Variants in NSD2 observed in about 807,000 individuals in gnomAD.
NSD2 encodes the protein histone-lysine N-methyltransferase NSD2.
A neutral mutation model predicts 139.0 loss-of-function variants in NSD2; 12 were observed. That is an observed-to-expected ratio of 0.09 (90% CI 0.06 to 0.14). NSD2 has a LOEUF of 0.14. Ranked by LOEUF, NSD2 falls within the 10% of genes least tolerant of loss-of-function variation. The pLI, the probability that NSD2 is intolerant of heterozygous loss-of-function variation, is 1.00. For synonymous variants in NSD2, 669 were observed against 648.7 expected, an observed-to-expected ratio of 1.03 and a Z score of -0.48; for missense variants, 1,155 against 1,745.0, an observed-to-expected ratio of 0.66 and a Z score of 6.02.
In NSD2 at chr4:1,938,416, CTTTTTTTTTTTTTTTTT is replaced by C; in HGVS notation, c.1675-26_1675-10del. 2 of 320,276 alleles carry C rather than the reference CTTTTTTTTTTTTTTTTT, an allele frequency of 6.2e-6. No individual in the cohort carries two copies. The highest frequency in any genetic ancestry group is 9.2e-6 in the Non-Finnish European group (2 of 218,448). 19.8% of individuals were successfully genotyped at this position (320,276 alleles called of 1,614,324 possible). A position where few individuals can be genotyped will look rare whatever the true frequency, so the allele number is the denominator to read the frequency against. The stretch of plus-strand genomic sequence containing the variant: ...TTTTTCTTTTCTTTTTTTTTTCTTT[CTTTTTTTTTTTTTTTTT>C]TTTTTTTTAAATAATAGAGAGACAC... On this transcript the variant is annotated intron_variant, in intron 7 of 21. Coordinates refer to ENST00000508803, the MANE Select transcript of NSD2 (RefSeq NM_001042424.3).
At chr4:1,970,781 G>A (rs1726380909) in intron 18 of NSD2, among the ~76,000 whole-genome samples, 1 of 152,142 alleles carries the variant, frequency 6.6e-6, no homozygotes. Flanking sequence ...GTAATGTCCG[G>A]GACATTACAT....
intron 9 of NSD2, chr4:1,940,494 C>G: frequency 1.9e-6 from 2 of 1,064,214 alleles, no homozygotes; most frequent in Non-Finnish European, 1.1e-6. Context: ...AGCCACAGAA[C>G]GTAGGTGTGA....
intron 1 of NSD2, among the ~76,000 whole-genome samples, chr4:1,891,069 T>C (rs993449970): frequency 6.6e-6 from 1 of 152,152 alleles, no homozygotes; most frequent in Non-Finnish European, 1.5e-5. Context: ...AAGTTTTGTA[T>C]GTTTTGTAGA....
At position 1,901,086 on chromosome 4, in the gene NSD2, T is replaced by C. The variant is rs1405160241; in HGVS notation, c.432T>C (p.Cys144=). 10 of 1,614,022 alleles carry C rather than the reference T, an allele frequency of 6.2e-6. No individual in the cohort carries two copies. The Admixed American group carries it at 8.3e-5, about 13-fold the overall frequency. Residue 144 remains cysteine (C), a synonymous_variant, in exon 2 of 22, where the codon TGT becomes TGC. Transcript: ENST00000508803. The part of the protein sequence containing the change: ...NGKPLFESSI[C]GDSAADVSQS... ...AGCCTCTCTTTGAATCTTCCATTTG[T>C]GGTGACAGTGCTGCTGATGTGTCTC...
Position 1,942,945 on chromosome 4 carries a change from T to A in NSD2, c.1881+3167T>A, listed in dbSNP as rs1423752265. The A allele has an allele frequency of 2.8e-6, 3 of 1,053,502 alleles. No individual in the cohort carries two copies. Among genetic ancestry groups the A allele is most frequent in the Non-Finnish European group, 3.4e-6 (3 of 872,024 alleles). 65.3% of individuals were successfully genotyped at this position (1,053,502 alleles called of 1,614,324 possible). On this transcript the variant is annotated intron_variant, in intron 9 of 21. Transcript: ENST00000508803. The surrounding 1 kb of genome is among the most constrained non-coding windows in gnomAD (Gnocchi z 4.0). The stretch of plus-strand genomic sequence containing the variant: ...TTCTATCCTTTTTTACTAAACAGTT[T>A]TATTATGACACTAGATACAGTAAAT...
intron 1 of NSD2, among the ~76,000 whole-genome samples, chr4:1,895,019 G>A (rs980223220): frequency 6.6e-6 from 1 of 152,108 alleles, no homozygotes; most frequent in Non-Finnish European, 1.5e-5. Flanking sequence ...CCTCATGTAC[G>A]TGGAATTTTA....
intron 5 of NSD2, among the ~76,000 whole-genome samples, chr4:1,920,185 C>T (rs1022915111): frequency 1.3e-5 from 2 of 152,074 alleles, no homozygotes; most frequent in Non-Finnish European, 2.9e-5. Flanking sequence ...CGTGGTGGCT[C>T]CCGCCTGTAA....
At chr4:1,964,544 A>T (rs987869161) in intron 18 of NSD2, among the ~76,000 whole-genome samples, 3 of 152,182 alleles carry the variant, frequency 2.0e-5, no homozygotes, top group Non-Finnish European at 4.4e-5. Flanking sequence ...AGCAAGAAGG[A>T]TCCTTTTCTC....
At chr4:1,879,587 C>T (rs1714553100) in intron 1 of NSD2, among the ~76,000 whole-genome samples, 2 of 152,120 alleles carry the variant, frequency 1.3e-5, no homozygotes, top group African/African-American at 4.8e-5. Flanking sequence ...TCCTGCCTGT[C>T]TTTCTAGCAT....
At position 1,978,942 on chromosome 4, in the gene NSD2, G is replaced by T; in HGVS notation, c.*33G>T. On this transcript the variant is annotated 3_prime_UTR_variant, in exon 22 of 22. Transcript: ENST00000508803. The stretch of plus-strand genomic sequence containing the variant: ...CGGCCGCTTGGCCGGATCCAGGGGC[G>T]GTGCAGGGCGGCCGGCCCTGCCTGC... 2 of 1,457,254 alleles carry T rather than the reference G, an allele frequency of 1.4e-6. No homozygotes were observed. The highest frequency in any genetic ancestry group is 1.8e-6 in the Non-Finnish European group (2 of 1,102,508). The allele number at this position is 1,457,254 out of a possible 1,614,324, so 90.3% of individuals were successfully genotyped here. A position where few individuals can be genotyped will look rare whatever the true frequency, so the allele number is the denominator to read the frequency against.
chr4:1,946,962 A>C, intron 9 of NSD2: 1 of 1,061,252 alleles, frequency 9.4e-7, no homozygotes, highest in Non-Finnish European at 1.1e-6. Flanking sequence ...CTCGGGTAAT[A>C]TTTTGAAGCA....
Position 1,951,092 on chromosome 4 carries a change from C to T in NSD2, c.1902C>T (p.Asp634=), listed in dbSNP as rs746926553. 2.6e-5 allele frequency: 42 copies of T among 1,614,026 alleles called. No homozygotes were observed. Among genetic ancestry groups the T allele is most frequent in the East Asian group, 2.0e-4 (9 of 44,890 alleles). Residue 634 remains aspartate (D), a synonymous_variant, in exon 10 of 22, where the codon GAC becomes GAT. Coordinates refer to ENST00000508803, the MANE Select transcript of NSD2 (RefSeq NM_001042424.3). ...TENEVSDSPG[D]EPSESPYESA... ...TCTAGGTCTCGGACAGCCCGGGAGA[C>T]GAGCCCTCGGAGTCCCCATACGAAA... is the stretch of plus-strand genomic sequence containing the variant.
At chr4:1,891,360 C>T (rs535701576) in intron 1 of NSD2, among the ~76,000 whole-genome samples, 1 of 152,286 alleles carries the variant, frequency 6.6e-6, no homozygotes, top group Admixed American at 6.5e-5. Context: ...GTCTTTTCCG[C>T]CCCCGGAGGA....
chr4:1,906,707 C>CTAGAGTG (rs564659274), intron 3 of NSD2, among the ~76,000 whole-genome samples: 56 of 137,168 alleles, frequency 4.1e-4, no homozygotes, highest in African/African-American at 1.6e-3. Flanking sequence ...GTCTCCCAGG[C>CTAGAGTG]TAGAGTGCAC....
intron 9 of NSD2, chr4:1,943,129 G>A (rs1254692002): frequency 7.9e-5 from 83 of 1,045,290 alleles, no homozygotes; most frequent in Non-Finnish European, 9.6e-5. Flanking sequence ...TTGTCTTAAT[G>A]TCGGGGAGCA....
rs543956681 is a variant in NSD2, at chr4:1,976,874, C to T, written c.3826+195C>T. Among the ~76,000 whole-genome samples, 5 of 152,336 alleles carry T rather than the reference C, an allele frequency of 3.3e-5. No individual in the cohort carries two copies. The South Asian group carries it at 6.2e-4, about 19-fold the overall frequency. ...AGCCGCACATTCTAGATCTCTGCAT[C>T]GAGCAGAGAAGATATGTGGTGACGG... On this transcript the variant is annotated intron_variant, in intron 21 of 21. Transcript: ENST00000508803. This position sits in a 1 kb window ranked among gnomAD's most constrained non-coding sequence, Gnocchi z 5.3.
intron 3 of NSD2, among the ~76,000 whole-genome samples, chr4:1,909,079 G>T (rs75139506): frequency 2.6e-5 from 4 of 151,576 alleles, no homozygotes; most frequent in African/African-American, 9.7e-5. Context: ...AAAAAAAAAA[G>T]AGTTATATAT....
chr4:1,974,867 G>A lies in NSD2; in HGVS notation c.3377G>A (p.Arg1126His). The change falls in exon 19 of 22, where the codon CGT becomes CAT. Residue 1126 changes from arginine to histidine, a missense_variant. Arg to His is a conservative substitution (Grantham distance 29, BLOSUM62 0). Transcript: ENST00000508803. This position sits in a 1 kb window ranked among gnomAD's most constrained non-coding sequence, Gnocchi z 4.0. Reference protein sequence around the residue: ...HFYMLTIDKDRIIDAGPKGNY... With the variant: ...HFYMLTIDKDHIIDAGPKGNY... ...ATATATCACTTGACCTTACAGGACCGTATAATAGACGCTGGCCCCAAAGGA... is the reference window on the plus strand; with the variant it reads ...ATATATCACTTGACCTTACAGGACCATATAATAGACGCTGGCCCCAAAGGA... The A allele has an allele frequency of 6.2e-7, 1 of 1,614,196 alleles. No individual in the cohort carries two copies. The highest frequency in any genetic ancestry group is 8.5e-7 in the Non-Finnish European group (1 of 1,180,044).
chr4:1,896,724 C>T (rs1024045820), intron 1 of NSD2, among the ~76,000 whole-genome samples: 2 of 149,672 alleles, frequency 1.3e-5, no homozygotes, highest in African/African-American at 4.9e-5. Flanking sequence ...CCTTCCTTTC[C>T]TTCCTTCCCT....
Sources: allele counts gnomAD v4.1 joint callset (sites outside exome capture counted in the v4.1 genomes callset), GRCh38; gene constraint gnomAD v4.1.1; non-coding constraint Gnocchi (gnomAD v3.1); transcripts MANE v1.5; gene names NCBI Gene and HGNC (gene_info 2026-07-23, HGNC 2026-07-21).